Variants in ANO3 observed in about 807,000 individuals in gnomAD.
The protein encoded by ANO3 is anoctamin 3, also known as anoctamin-3.
ANO3 carries 99 observed loss-of-function variants against 144.8 expected under a neutral mutation model. The ratio of observed to expected loss-of-function variants is 0.68; its 90% CI spans 0.58 to 0.81. ANO3 has a LOEUF of 0.81. Ranked by LOEUF, ANO3 falls within the 30% of genes least tolerant of loss-of-function variation. The pLI is 0.00. For missense variants in ANO3, 905 were observed against 1,202.2 expected, an observed-to-expected ratio of 0.75 and a Z score of 3.66; for synonymous variants, 414 against 392.6, an observed-to-expected ratio of 1.05 and a Z score of -0.64.
chr11:26,591,237 ATGT>A (rs1342049629), intron 14 of ANO3, among the ~76,000 whole-genome samples: 1 of 152,060 alleles, frequency 6.6e-6, no homozygotes, highest in Non-Finnish European at 1.5e-5. Context: ...AACTCAAGTG[ATGT>A]TGGGGAGGTT....
intron 11 of ANO3, among the ~76,000 whole-genome samples, chr11:26,544,456 G>A (rs1316462965): frequency 1.3e-5 from 2 of 150,580 alleles, no homozygotes; most frequent in African/African-American, 4.9e-5. Context: ...GCAGAGGTTG[G>A]GGAGAAGTTG....
chr11:26,274,049 A>G (rs1354720250), intron 1 of ANO3, among the ~76,000 whole-genome samples: 1 of 152,028 alleles, frequency 6.6e-6, no homozygotes, highest in Non-Finnish European at 1.5e-5. Context: ...AAAGGGAAGA[A>G]AAAAATAGAC....
At chr11:26,521,459 C>A (rs1862073638) in intron 6 of ANO3, among the ~76,000 whole-genome samples, 1 of 152,088 alleles carries the variant, frequency 6.6e-6, no homozygotes, top group Admixed American at 6.5e-5. Context: ...AGCATTTTAT[C>A]TAAATTTTCT....
chr11:26,566,986 A>G (rs933288024), intron 14 of ANO3: 13 of 1,282,428 alleles, frequency 1.0e-5, no homozygotes, highest in African/African-American at 1.5e-5. Flanking sequence ...ATATTCAAAT[A>G]TAATAATATA....
intron 17 of ANO3, among the ~76,000 whole-genome samples, chr11:26,617,288 T>C (rs1852288574): frequency 6.6e-6 from 1 of 152,224 alleles, no homozygotes; most frequent in African/African-American, 2.4e-5. Context: ...CTCTTTCTCT[T>C]ATAAGGTTCC....
chr11:26,268,208 A>G (rs1449573218), intron 1 of ANO3, among the ~76,000 whole-genome samples: 1 of 152,228 alleles, frequency 6.6e-6, no homozygotes, highest in Non-Finnish European at 1.5e-5. Flanking sequence ...GCAATGTATA[A>G]TCTAAAAACT....
At chr11:26,633,946 C>T (rs1000114553) in intron 18 of ANO3, among the ~76,000 whole-genome samples, 10 of 151,970 alleles carry the variant, frequency 6.6e-5, no homozygotes, top group Middle Eastern at 6.8e-3. Flanking sequence ...GGCATGGTGG[C>T]GGGCGCTTAT....
intron 14 of ANO3, among the ~76,000 whole-genome samples, chr11:26,589,372 T>TA (rs1851377672): frequency 1.3e-5 from 2 of 151,644 alleles, no homozygotes; most frequent in South Asian, 4.2e-4. Flanking sequence ...GATTTTTAGT[T>TA]ACAAAGAAAG....
chr11:26,603,383 C>G (rs986486921), intron 17 of ANO3, among the ~76,000 whole-genome samples: 1 of 151,872 alleles, frequency 6.6e-6, no homozygotes, highest in Non-Finnish European at 1.5e-5. Flanking sequence ...TAGTAAAGGA[C>G]AAACCTTTTT....
intron 1 of ANO3, among the ~76,000 whole-genome samples, chr11:26,418,891 A>C (rs1857671741): frequency 6.6e-6 from 1 of 152,124 alleles, no homozygotes; most frequent in Non-Finnish European, 1.5e-5. Context: ...CTACACTTGG[A>C]CTAATACAGA....
At chr11:26,658,090 T>C (rs1373752575) in intron 26 of ANO3, among the ~76,000 whole-genome samples, 1 of 119,024 alleles carries the variant, frequency 8.4e-6, no homozygotes, top group African/African-American at 2.8e-5. Context: ...TTCTAGTGGT[T>C]TCATAGTTTC....
intron 1 of ANO3, among the ~76,000 whole-genome samples, chr11:26,237,254 A>G (rs1463166318): frequency 2.0e-5 from 3 of 152,166 alleles, no homozygotes; most frequent in African/African-American, 7.2e-5. Flanking sequence ...AACCTACAAA[A>G]TCTTTTGTAA....
intron 14 of ANO3, among the ~76,000 whole-genome samples, chr11:26,567,538 T>C (rs906304280): frequency 2.6e-5 from 4 of 151,992 alleles, no homozygotes; most frequent in African/African-American, 4.8e-5. Context: ...ATTTCTCACA[T>C]GTGGTACAAC....
intron 1 of ANO3, among the ~76,000 whole-genome samples, chr11:26,223,123 A>C (rs1395040508): frequency 2.6e-5 from 4 of 151,874 alleles, no homozygotes; most frequent in East Asian, 1.9e-4. Flanking sequence ...AATATGTTTC[A>C]ATTTTAAGTT....
intron 2 of ANO3, 100 bp from the exon 3 acceptor site, chr11:26,443,665 C>A (rs1858606622): frequency 1.8e-6 from 1 of 565,668 alleles, no homozygotes; most frequent in South Asian, 3.2e-5. Flanking sequence ...TAAGAAATTT[C>A]ATCATGTTTG....
intron 4 of ANO3, among the ~76,000 whole-genome samples, chr11:26,478,523 A>C (rs1860072927): frequency 6.6e-6 from 1 of 152,174 alleles, no homozygotes; most frequent in South Asian, 2.1e-4. Context: ...TGATAGATAC[A>C]GTAATGGACA....
intron 17 of ANO3, among the ~76,000 whole-genome samples, chr11:26,610,835 G>C (rs963663901): frequency 2.6e-5 from 4 of 152,064 alleles, no homozygotes; most frequent in African/African-American, 9.7e-5. Context: ...GGAGTGTCCA[G>C]ATCTTCTGTT....
At chr11:26,573,978 T>C (rs982802813) in intron 14 of ANO3, among the ~76,000 whole-genome samples, 3 of 152,232 alleles carry the variant, frequency 2.0e-5, no homozygotes, top group Non-Finnish European at 4.4e-5. Flanking sequence ...TTCACTGAGA[T>C]ACAGTCCTAG....
At chr11:26,561,958 G>GCCAT (rs1428669067) in intron 14 of ANO3, among the ~76,000 whole-genome samples, 1 of 151,714 alleles carries the variant, frequency 6.6e-6, no homozygotes, top group East Asian at 1.9e-4. Context: ...TATTCCTGTA[G>GCCAT]CCATCTGTTT....
Sources: allele counts gnomAD v4.1 joint callset (sites outside exome capture counted in the v4.1 genomes callset), GRCh38; gene constraint gnomAD v4.1.1; transcripts MANE v1.5; gene names NCBI Gene and HGNC (gene_info 2026-07-23, HGNC 2026-07-21).